PARPBP: variants seen among roughly 807,000 people sequenced by gnomAD.
PARPBP encodes the protein PARP1 binding protein.
PARPBP carries 52 observed loss-of-function variants against 50.0 expected under a neutral mutation model. The ratio of observed to expected loss-of-function variants is 1.04; its 90% CI spans 0.83 to 1.31. The LOEUF is 1.31. Ranked by LOEUF, PARPBP falls within the 50% of genes most tolerant of loss-of-function variation. PARPBP has a pLI of 0.00. For synonymous variants in PARPBP, 244 were observed against 232.1 expected (o/e 1.05, Z -0.47); for missense variants, 697 against 672.0 (o/e 1.04, Z -0.41).
chr12:102,193,729 G>C (rs958758970), intron 9 of PARPBP, among the ~76,000 whole-genome samples: 2 of 151,928 alleles, frequency 1.3e-5, no homozygotes, highest in Non-Finnish European at 2.9e-5. Context: ...TAAATCTGTA[G>C]TTATAGGATT....
At chr12:102,121,149 G>T (rs1328090807) in intron 1 of PARPBP, among the ~76,000 whole-genome samples, 1 of 152,108 alleles carries the variant, frequency 6.6e-6, no homozygotes, top group African/African-American at 2.4e-5. Context: ...CACGTGTAAG[G>T]CTTATGGCAT....
chr12:102,136,905 G>A (rs570635956), intron 2 of PARPBP, among the ~76,000 whole-genome samples: 7 of 151,994 alleles, frequency 4.6e-5, no homozygotes, highest in Admixed American at 2.0e-4. Flanking sequence ...CTGTGTTTGA[G>A]CTCTATTTAG....
chr12:102,185,728 G>A (rs953076000), intron 9 of PARPBP, among the ~76,000 whole-genome samples: 14 of 151,806 alleles, frequency 9.2e-5, no homozygotes, highest in South Asian at 2.1e-4. Flanking sequence ...GCGTGATCTC[G>A]GCTCACTGTA....
intron 2 of PARPBP, among the ~76,000 whole-genome samples, chr12:102,147,071 C>G (rs987984425): frequency 3.9e-5 from 6 of 152,062 alleles, no homozygotes; most frequent in African/African-American, 9.7e-5. Context: ...GGATACAACA[C>G]GTGCTGGAGA....
At position 102,153,980 on chromosome 12, in the gene PARPBP, CT is replaced by C; in HGVS notation, c.495+5del. On this transcript the variant is annotated splice_donor_5th_base_variant and intron_variant, in intron 4 of 10. Coordinates refer to ENST00000327680, the MANE Select transcript of PARPBP (RefSeq NM_017915.5). ...ATACAACCGTGATAATGAAAAGGTA[CT>C]GATAAACTGTGAGTAAATTAAAGCA... The C allele has an allele frequency of 6.8e-7, 1 of 1,464,730 alleles. No homozygotes were observed. The highest frequency in any genetic ancestry group is 9.6e-7 in the Non-Finnish European group (1 of 1,044,768). 90.7% of individuals were successfully genotyped at this position (1,464,730 alleles called of 1,614,324 possible).
intron 9 of PARPBP, among the ~76,000 whole-genome samples, chr12:102,184,001 C>G (rs1294552412): frequency 7.8e-6 from 1 of 128,692 alleles, no homozygotes; most frequent in Admixed American, 8.8e-5. Flanking sequence ...AGGTGGAGAT[C>G]ACACCACTTC....
intron 2 of PARPBP, among the ~76,000 whole-genome samples, chr12:102,132,706 T>A (rs890157631): frequency 6.6e-6 from 1 of 152,212 alleles, no homozygotes; most frequent in Non-Finnish European, 1.5e-5. Flanking sequence ...CACTGGAATT[T>A]TGATAGGAAT....
At chr12:102,146,139 C>T (rs1885314554) in intron 2 of PARPBP, among the ~76,000 whole-genome samples, 1 of 152,112 alleles carries the variant, frequency 6.6e-6, no homozygotes, top group Admixed American at 6.5e-5. Context: ...GGCCATACTG[C>T]CCAAGGTAAT....
chr12:102,195,238 G>A, intron 9 of PARPBP, 74 bp from the exon 10 acceptor site: 1 of 909,946 alleles, frequency 1.1e-6, no homozygotes, highest in South Asian at 1.7e-5. Context: ...TTACTATAGA[G>A]TGTGTGTCTA....
At chr12:102,161,263 G>A (rs370169891) in intron 4 of PARPBP, among the ~76,000 whole-genome samples, 4 of 151,638 alleles carry the variant, frequency 2.6e-5, no homozygotes, top group Admixed American at 6.6e-5. Flanking sequence ...GTGCCACCAC[G>A]TCCAGCTAAT....
In PARPBP at chr12:102,196,644, A is replaced by G. The variant is rs1453776082; in HGVS notation, c.*353A>G. ...TTCTTCTGAAAAGATGATGTGGACC[A>G]ACAGGTATCAGACTTGCCAACAAGG... On this transcript the variant is annotated 3_prime_UTR_variant, in exon 11 of 11. Transcript: ENST00000327680. 6.2e-6 allele frequency: 10 copies of G among 1,601,720 alleles called. No individual in the cohort carries two copies. The highest frequency in any genetic ancestry group is 8.6e-6 in the Non-Finnish European group (10 of 1,169,178).
At chr12:102,179,610 C>G (rs946215230) in intron 8 of PARPBP, among the ~76,000 whole-genome samples, 3 of 152,106 alleles carry the variant, frequency 2.0e-5, no homozygotes, top group Non-Finnish European at 4.4e-5. Flanking sequence ...TCTTGTAAGG[C>G]CACCAGTCCT....
chr12:102,170,905 C>CTTTTTTTT (rs56390964), intron 6 of PARPBP, among the ~76,000 whole-genome samples: 1 of 113,310 alleles, frequency 8.8e-6, no homozygotes. Flanking sequence ...TTTAATTTTT[C>CTTTTTTTT]TTTTTTTTTT....
Position 102,197,398 on chromosome 12 carries a change from A to C in PARPBP, c.*1107A>C. 1 of 913,424 alleles carries C rather than the reference A, an allele frequency of 1.1e-6. No individual in the cohort carries two copies. Among genetic ancestry groups the C allele is most frequent in the South Asian group, 1.7e-5 (1 of 60,228 alleles). The allele number at this position is 913,424 out of a possible 1,614,324, so 56.6% of individuals were successfully genotyped here. A position where few individuals can be genotyped will look rare whatever the true frequency, so the allele number is the denominator to read the frequency against. Reference sequence around the variant, plus strand: ...TGTAAGAAATATCGTCAGTCGTCCTAATGCATATTGTGACTGTTTGCATAT... The same window carrying C: ...TGTAAGAAATATCGTCAGTCGTCCTCATGCATATTGTGACTGTTTGCATAT... On this transcript the variant is annotated 3_prime_UTR_variant, in exon 11 of 11. Transcript: ENST00000327680.
In PARPBP at chr12:102,195,801, C is replaced by T. The variant is rs1594648765; in HGVS notation, c.1400-150C>T. ...GAAAAGTAATAGGATAGTAATGTAGCTATATTTGTCAATCATATTATTTAT... is the reference window on the plus strand; with the variant it reads ...GAAAAGTAATAGGATAGTAATGTAGTTATATTTGTCAATCATATTATTTAT... On this transcript the variant is annotated intron_variant, in intron 10 of 10. Transcript: ENST00000327680. 6 of 584,856 alleles carry T rather than the reference C, an allele frequency of 1.0e-5. No individual in the cohort carries two copies. The East Asian group carries it at 1.8e-4, about 17-fold the overall frequency. 36.2% of individuals were successfully genotyped at this position (584,856 alleles called of 1,614,324 possible). A position where few individuals can be genotyped will look rare whatever the true frequency, so the allele number is the denominator to read the frequency against.
In PARPBP at chr12:102,176,499, A is replaced by G. The variant is rs372069055; in HGVS notation, c.1005+833A>G. 4.6e-5 allele frequency among the ~76,000 whole-genome samples: 7 copies of G among 152,284 alleles called. No homozygotes were observed. In the East Asian group the frequency reaches 7.7e-4, roughly 17 times the overall value. On this transcript the variant is annotated intron_variant, in intron 7 of 10. Transcript: ENST00000327680. The stretch of plus-strand genomic sequence containing the variant: ...CTGTACCTGGCAATTTTTAAACTAT[A>G]TATTCCCAGAACATTTACTTATTCT...
intron 6 of PARPBP, among the ~76,000 whole-genome samples, chr12:102,167,191 A>C (rs965012101): frequency 5.9e-5 from 9 of 152,080 alleles, no homozygotes; most frequent in African/African-American, 2.2e-4. Flanking sequence ...TTATGACTTT[A>C]TTTTAATTGG....
In PARPBP at chr12:102,178,677, C is replaced by G; in HGVS notation, c.1091C>G (p.Ala364Gly). 1 of 1,612,860 alleles carries G rather than the reference C, an allele frequency of 6.2e-7. No homozygotes were observed. Among genetic ancestry groups the G allele is most frequent in the Non-Finnish European group, 8.5e-7 (1 of 1,178,968 alleles). The part of the protein sequence containing the change: ...KALLVLLDEE[A>G]ANAPTKNKAE... ...TTATTAGTTCTTTTGGACGAAGAAGCAGCTAATGCTCCTACCAAAAACAAA... is the reference window on the plus strand; with the variant it reads ...TTATTAGTTCTTTTGGACGAAGAAGGAGCTAATGCTCCTACCAAAAACAAA... Residue 364 changes from alanine (A) to glycine (G), a missense_variant, in exon 8 of 11, where the codon GCA (alanine) becomes GGA (glycine). Physicochemically the swap from Ala to Gly is moderately conservative, Grantham distance 60. Transcript: ENST00000327680.
intron 4 of PARPBP, among the ~76,000 whole-genome samples, chr12:102,155,469 A>G (rs1462459585): frequency 1.3e-5 from 2 of 151,948 alleles, no homozygotes; most frequent in East Asian, 3.9e-4. Flanking sequence ...TCCACCTTTA[A>G]ACAAGTGGCT....
Sources: allele counts gnomAD v4.1 joint callset (sites outside exome capture counted in the v4.1 genomes callset), GRCh38; gene constraint gnomAD v4.1.1; transcripts MANE v1.5; gene names NCBI Gene and HGNC (gene_info 2026-07-23, HGNC 2026-07-21).